Variants in KIF24 observed in about 807,000 individuals in gnomAD.
KIF24 encodes kinesin family member 24.
In KIF24, 81 loss-of-function variants were observed where a neutral mutation model predicts 118.9. The ratio of observed to expected loss-of-function variants is 0.68; its 90% CI spans 0.57 to 0.82. The LOEUF (loss-of-function observed/expected upper bound fraction) is 0.82. Among genes scored for constraint, KIF24 ranks in the 40% least tolerant of loss-of-function variants. The probability of loss-of-function intolerance (pLI) is 0.00; values close to 1 mark genes in which losing one functional copy is unlikely to be tolerated. For synonymous variants in KIF24, 599 were observed against 610.0 expected, an observed-to-expected ratio of 0.98 and a Z score of 0.27; for missense variants, 1,560 against 1,661.6, an observed-to-expected ratio of 0.94 and a Z score of 1.06.
intron 3 of KIF24, among the ~76,000 whole-genome samples, chr9:34,298,527 C>T (rs1836572318): frequency 7.1e-6 from 1 of 141,568 alleles, no homozygotes; most frequent in Non-Finnish European, 1.6e-5. Context: ...GCCTGGGCAA[C>T]GAGCAAAACT....
At position 34,290,198 on chromosome 9, in the gene KIF24, T is replaced by G; in HGVS notation, c.1103A>C (p.Tyr368Ser). 1 of 1,613,766 alleles carries G rather than the reference T, an allele frequency of 6.2e-7. No homozygotes were observed. The highest frequency in any genetic ancestry group is 1.3e-5 in the African/African-American group (1 of 75,054). ...CCTTTTTCTTCTATTTAGGAGGTCA[T>G]AAAGCTGTCCACAGTAAATTTCATA... is the stretch of plus-strand genomic sequence containing the variant. ...SFYEIYCGQL[Y>S]DLLNRRKRLF... is the part of the protein sequence containing the mutation. Residue 368 changes from tyrosine (Y) to serine (S), a missense_variant, in exon 5 of 13, where the codon TAT becomes TCT. This residue lies in a region of KIF24 where 964 missense variants were observed against 988.0 expected (regional missense o/e 0.98). Transcript: ENST00000402558.
chr9:34,256,882 T>C lies in KIF24; in HGVS notation c.2725A>G (p.Ser909Gly). 1 of 1,614,010 alleles carries C rather than the reference T, an allele frequency of 6.2e-7. No homozygotes were observed. The highest frequency in any genetic ancestry group is 1.1e-5 in the South Asian group (1 of 91,084). The change falls in exon 11 of 13, where the codon AGC becomes GGC. Residue 909 changes from serine (S) to glycine (G), a missense_variant. Ser to Gly is a moderately conservative substitution (Grantham distance 56). Coordinates refer to ENST00000402558, the MANE Select transcript of KIF24 (RefSeq NM_194313.4). ...INHRRAALDH[S>G]CSPSKGPVDW... Reference sequence around the variant, plus strand: ...ACGGGCCCCTTACTTGGGCTGCAGCTGTGATCGAGTGCTGCTCTTCTGTGG... The same window carrying C: ...ACGGGCCCCTTACTTGGGCTGCAGCCGTGATCGAGTGCTGCTCTTCTGTGG...
upstream of KIF24, among the ~76,000 whole-genome samples, chr9:34,332,361 C>A (rs1837965168): frequency 6.6e-6 from 1 of 152,174 alleles, no homozygotes; most frequent in African/African-American, 2.4e-5. Flanking sequence ...TGCTGCCTTT[C>A]CATCTTACGT....
intron 3 of KIF24, among the ~76,000 whole-genome samples, chr9:34,299,061 T>C (rs1467595540): frequency 2.0e-5 from 3 of 152,152 alleles, no homozygotes; most frequent in Non-Finnish European, 2.9e-5. Context: ...TATATATCAT[T>C]CTTATGTTGG....
At chr9:34,270,096 C>A (rs988511500) in intron 7 of KIF24, among the ~76,000 whole-genome samples, 2 of 151,982 alleles carry the variant, frequency 1.3e-5, no homozygotes. Flanking sequence ...GTGGTGCATG[C>A]CTGTAGTCCC....
chr9:34,295,248 T>A (rs13285412), intron 4 of KIF24, among the ~76,000 whole-genome samples: 1 of 148,538 alleles, frequency 6.7e-6, no homozygotes, highest in Non-Finnish European at 1.5e-5. Flanking sequence ...CTTGCTCTGT[T>A]GCCCAGGCTG....
chr9:34,281,480 C>G (rs552301265), intron 6 of KIF24, among the ~76,000 whole-genome samples: 1 of 152,250 alleles, frequency 6.6e-6, no homozygotes, highest in African/African-American at 2.4e-5. Context: ...ATTTTAACCT[C>G]AGTATTTTCA....
chr9:34,268,142 G>A (rs1298789333), intron 8 of KIF24, among the ~76,000 whole-genome samples: 1 of 152,090 alleles, frequency 6.6e-6, no homozygotes, highest in South Asian at 2.1e-4. Context: ...ACATTAAAAA[G>A]TATCTCTTTG....
At chr9:34,325,196 T>C (rs1010251459) in intron 1 of KIF24, among the ~76,000 whole-genome samples, 9 of 150,568 alleles carry the variant, frequency 6.0e-5, no homozygotes, top group Admixed American at 5.3e-4. Flanking sequence ...TAAATAAAAA[T>C]TAATTGGGCA....
chr9:34,319,204 C>T, intron 1 of KIF24: 3 of 1,600,554 alleles, frequency 1.9e-6, no homozygotes, highest in East Asian at 2.2e-5. Context: ...TCTCCAGCCT[C>T]ATCATCCTCA....
intron 6 of KIF24, chr9:34,282,496 T>C (rs1835882355): frequency 6.7e-6 from 1 of 148,628 alleles, no homozygotes; most frequent in Non-Finnish European, 1.5e-5. Flanking sequence ...CTGAATTGTA[T>C]ACTTAAAAAA....
At chr9:34,285,061 C>T (rs907298539) in intron 6 of KIF24, among the ~76,000 whole-genome samples, 50 of 152,066 alleles carry the variant, frequency 3.3e-4, no homozygotes, top group African/African-American at 1.1e-3. Context: ...CAGTGGATAG[C>T]TCAGTGGGGA....
At chr9:34,320,658 C>CAAAA (rs68048466) in intron 1 of KIF24, among the ~76,000 whole-genome samples, 542 of 53,776 alleles carry the variant, frequency 0.01, 1 homozygote, top group Non-Finnish European at 0.013. Flanking sequence ...AACTCCTTCT[C>CAAAA]AAAAAAAAAA....
chr9:34,325,823 G>A (rs776706571), intron 1 of KIF24, among the ~76,000 whole-genome samples: 2 of 152,206 alleles, frequency 1.3e-5, no homozygotes, highest in Non-Finnish European at 2.9e-5. Flanking sequence ...ACGGGTGGTA[G>A]AAACTATTTA....
intron 2 of KIF24, among the ~76,000 whole-genome samples, chr9:34,308,008 T>G (rs1315517007): frequency 6.6e-6 from 1 of 152,208 alleles, no homozygotes; most frequent in African/African-American, 2.4e-5. Flanking sequence ...TCTTGCTCTA[T>G]CACCCAGACT....
intron 1 of KIF24, among the ~76,000 whole-genome samples, chr9:34,325,220 C>T (rs1227953569): frequency 2.6e-5 from 4 of 151,454 alleles, no homozygotes; most frequent in Admixed American, 2.6e-4. Flanking sequence ...TGGCACACAC[C>T]TGTGGTCCCA....
chr9:34,307,207 A>G (rs1836958453), intron 2 of KIF24, among the ~76,000 whole-genome samples: 1 of 152,104 alleles, frequency 6.6e-6, no homozygotes, highest in Admixed American at 6.5e-5. Context: ...CTAGGACTAT[A>G]GCATACAACA....
At chr9:34,317,358 C>G (rs1022403602) in intron 1 of KIF24, among the ~76,000 whole-genome samples, 1 of 151,818 alleles carries the variant, frequency 6.6e-6, no homozygotes, top group African/African-American at 2.4e-5. Flanking sequence ...CCACTGCACT[C>G]CAGCCTGGGC....
In KIF24 at chr9:34,256,318, C is replaced by T; in HGVS notation, c.3289G>A (p.Gly1097Ser). 2 of 1,613,224 alleles carry T rather than the reference C, an allele frequency of 1.2e-6. No homozygotes were observed. Among genetic ancestry groups the T allele is most frequent in the Non-Finnish European group, 1.7e-6 (2 of 1,179,650 alleles). Residue 1097 changes from glycine to serine, a missense_variant, in exon 11 of 13, where the codon GGT (glycine) becomes AGT (serine). Around this residue, in one of 3 missense-constraint regions of KIF24, gnomAD observed 591 missense variants for 655.6 expected, o/e 0.90. Transcript: ENST00000402558. Reference sequence around the variant, plus strand: ...ACTGGCAAGGCTGCCTCTTGATCACCAGATGGCACTGTGTGGCTCACAACT... The same window carrying T: ...ACTGGCAAGGCTGCCTCTTGATCACTAGATGGCACTGTGTGGCTCACAACT... ...GPVVSHTVPS[G>S]DQEAALPVSS...
Sources: gnomAD v4.1 joint callset for allele counts (sites outside exome capture counted in the v4.1 genomes callset) on GRCh38, gnomAD v4.1.1 for gene constraint, gnomAD v4.1.1 regional missense constraint, MANE v1.5 for transcripts, NCBI Gene and HGNC (gene_info 2026-07-23, HGNC 2026-07-21) for gene names.